Variants in SLC38A1 observed in about 807,000 individuals in gnomAD.
SLC38A1 encodes the protein sodium-coupled neutral amino acid symporter 1.
A neutral mutation model predicts 60.3 loss-of-function variants in SLC38A1; 18 were observed. The observed-to-expected ratio is 0.30, with a 90% confidence interval of 0.21 to 0.44. The LOEUF (loss-of-function observed/expected upper bound fraction) is 0.44. SLC38A1 is among the 20% of genes least tolerant of loss of function. The pLI, the probability that SLC38A1 is intolerant of heterozygous loss-of-function variation, is 1.00. For missense variants in SLC38A1, 448 were observed against 587.2 expected (o/e 0.76, Z 2.45); for synonymous variants, 196 against 212.1 (o/e 0.92, Z 0.66).
chr12:46,265,663 A>C (rs1942329018), intron 1 of SLC38A1, among the ~76,000 whole-genome samples: 1 of 152,234 alleles, frequency 6.6e-6, no homozygotes, highest in African/African-American at 2.4e-5. Flanking sequence ...GAGGTTTTTA[A>C]AAGCAAGGTC....
Position 46,204,525 on chromosome 12 carries a change from C to A in SLC38A1, c.705+7G>T. ...AAACCAAACCAACCATTGCAATCAGCACTTACCACAATTAGGAAAAAAACC... is the reference window on the plus strand; with the variant it reads ...AAACCAAACCAACCATTGCAATCAGAACTTACCACAATTAGGAAAAAAACC... On this transcript the variant is annotated splice_region_variant and intron_variant, in intron 10 of 16. Coordinates refer to ENST00000398637, the MANE Select transcript of SLC38A1 (RefSeq NM_030674.4). 1.2e-6 allele frequency: 2 copies of A among 1,612,574 alleles called. No individual in the cohort carries two copies. The highest frequency in any genetic ancestry group is 2.2e-5 in the South Asian group (2 of 90,718).
At chr12:46,231,340 T>C (rs7966337) in intron 3 of SLC38A1, among the ~76,000 whole-genome samples, 1,535 of 152,284 alleles carry the variant, frequency 0.01, 22 homozygotes, top group Middle Eastern at 0.034. Context: ...ATCCAATGGG[T>C]ACAACGTTTA....
chr12:46,257,062 C>T (rs1942055534), intron 1 of SLC38A1, among the ~76,000 whole-genome samples: 2 of 152,182 alleles, frequency 1.3e-5, no homozygotes, highest in South Asian at 4.1e-4. Flanking sequence ...AAGACCCACC[C>T]ATTGCAGCAC....
At chr12:46,220,480 A>G (rs182752549) in intron 5 of SLC38A1, among the ~76,000 whole-genome samples, 1 of 152,316 alleles carries the variant, frequency 6.6e-6, no homozygotes, top group East Asian at 1.9e-4. Flanking sequence ...CATCCGGAAG[A>G]GTAGGGTTTC....
At chr12:46,195,956 C>G in intron 16 of SLC38A1, 1 of 507,234 alleles carries the variant, frequency 2.0e-6, no homozygotes, top group South Asian at 2.0e-5. Flanking sequence ...CCATGGGCTG[C>G]ACCCACTGTC....
At chr12:46,221,217 GGAGA>G (rs1405681051) in intron 5 of SLC38A1, among the ~76,000 whole-genome samples, 1 of 152,090 alleles carries the variant, frequency 6.6e-6, no homozygotes, top group African/African-American at 2.4e-5. Context: ...AGACAGGGAG[GGAGA>G]GAGGGCCAGA....
chr12:46,200,745 C>T (rs879490572), intron 13 of SLC38A1, among the ~76,000 whole-genome samples: 2 of 152,160 alleles, frequency 1.3e-5, no homozygotes, highest in Non-Finnish European at 2.9e-5. Context: ...CTGTCTCTGT[C>T]TCTCCATTCT....
intron 1 of SLC38A1, among the ~76,000 whole-genome samples, chr12:46,251,527 G>A (rs1941839327): frequency 6.6e-6 from 1 of 152,142 alleles, no homozygotes; most frequent in Admixed American, 6.5e-5. Flanking sequence ...CTTCAGCACA[G>A]CAAAAGAAAC....
At chr12:46,249,245 T>C (rs1314929791) in intron 1 of SLC38A1, among the ~76,000 whole-genome samples, 2 of 143,960 alleles carry the variant, frequency 1.4e-5, no homozygotes, top group Non-Finnish European at 3.0e-5. Flanking sequence ...ACTGGGTAAA[T>C]AACAAAATGA....
At position 46,214,983 on chromosome 12, in the gene SLC38A1, T is replaced by C. The variant is rs376499181; in HGVS notation, c.315-5856A>G. On this transcript the variant is annotated intron_variant, in intron 5 of 16. Transcript: ENST00000398637. ...CCTAGCATGACTCTCCCTTGCAAAG[T>C]TGAAAGCAGCTATTCTCAAACTTTA... Among the ~76,000 whole-genome samples, 26 of 152,300 alleles carry C rather than the reference T, an allele frequency of 1.7e-4. 1 individual carries two copies. The highest frequency in any genetic ancestry group is 5.1e-4 in the African/African-American group (21 of 41,550).
chr12:46,263,162 G>A (rs1267265163), intron 1 of SLC38A1, among the ~76,000 whole-genome samples: 1 of 152,152 alleles, frequency 6.6e-6, no homozygotes, highest in Admixed American at 6.5e-5. Flanking sequence ...ATTGGTATAG[G>A]ACAGGATCCA....
At chr12:46,195,205 G>A (rs1939312670) in intron 16 of SLC38A1, among the ~76,000 whole-genome samples, 2 of 152,184 alleles carry the variant, frequency 1.3e-5, no homozygotes, top group Admixed American at 1.3e-4. Flanking sequence ...CTCAGCTGCA[G>A]GTTTGTTGGA....
Position 46,185,675 on chromosome 12 carries a change from A to C in SLC38A1, c.*3295T>G, listed in dbSNP as rs933790505. On this transcript the variant is annotated 3_prime_UTR_variant, in exon 17 of 17. Transcript: ENST00000398637. ...CATAGGAGCCAAAAGTCAGACAAAC[A>C]GAAGAAGGCACACCAAGCCTGAACC... 5.9e-5 allele frequency: 9 copies of C among 152,040 alleles called. No individual in the cohort carries two copies. The highest frequency in any genetic ancestry group is 2.2e-4 in the African/African-American group (9 of 41,338). 9.4% of individuals were successfully genotyped at this position (152,040 alleles called of 1,614,324 possible). A position where few individuals can be genotyped will look rare whatever the true frequency, so the allele number is the denominator to read the frequency against.
rs1296192489 is a variant in SLC38A1, at chr12:46,196,045, G to A, written c.1362+1675C>T. 5.4e-6 allele frequency: 6 copies of A among 1,103,846 alleles called. No homozygotes were observed. The Admixed American group carries it at 1.1e-4, about 20-fold the overall frequency. The allele number at this position is 1,103,846 out of a possible 1,614,324, so 68.4% of individuals were successfully genotyped here. On this transcript the variant is annotated intron_variant, in intron 16 of 16. Transcript: ENST00000398637. ...CCCATCTTCTACATCGATCTTGCTG[G>A]GAGCTGCAGACCAGAGCTGTTCCTA...
chr12:46,210,447 A>G (rs1314096860), intron 5 of SLC38A1, among the ~76,000 whole-genome samples: 1 of 152,206 alleles, frequency 6.6e-6, no homozygotes, highest in Admixed American at 6.5e-5. Context: ...ATCTGCCAAT[A>G]AACAGGAATT....
chr12:46,198,623 A>G lies in SLC38A1; in HGVS notation c.1122+2T>C. On this transcript the variant is annotated splice_donor_variant, in intron 14 of 16. Coordinates refer to ENST00000398637, the MANE Select transcript of SLC38A1 (RefSeq NM_030674.4). LOFTEE classifies it high-confidence loss of function. ...TCATATTGCACAGAGGCCCTTACTCACCGTGAAAAATAACACCGGCACTGT... is the reference window on the plus strand; with the variant it reads ...TCATATTGCACAGAGGCCCTTACTCGCCGTGAAAAATAACACCGGCACTGT... 6.3e-7 allele frequency: 1 copy of G among 1,598,078 alleles called. No homozygotes were observed. Among genetic ancestry groups the G allele is most frequent in the Non-Finnish European group, 8.5e-7 (1 of 1,170,054 alleles).
rs954949476 is a variant in SLC38A1, at chr12:46,187,352, T to A, written c.*1618A>T. On this transcript the variant is annotated 3_prime_UTR_variant, in exon 17 of 17. Coordinates refer to ENST00000398637, the MANE Select transcript of SLC38A1 (RefSeq NM_030674.4). The stretch of plus-strand genomic sequence containing the variant: ...AAGAAATCTGTGCTCAGTGAACTTA[T>A]GTGTTTGGAAAATTTAACCAGAATA... The A allele has an allele frequency of 1.3e-5, 2 of 152,214 alleles. No homozygotes were observed. Among genetic ancestry groups the A allele is most frequent in the African/African-American group, 4.8e-5 (2 of 41,462 alleles). 9.4% of individuals were successfully genotyped at this position (152,214 alleles called of 1,614,324 possible).
At chr12:46,246,462 C>T (rs1187783598) in intron 1 of SLC38A1, among the ~76,000 whole-genome samples, 1 of 152,224 alleles carries the variant, frequency 6.6e-6, no homozygotes, top group Non-Finnish European at 1.5e-5. Flanking sequence ...GAAGGGGTGT[C>T]CACCATTTCT....
chr12:46,219,711 CA>C (rs1565770755), intron 5 of SLC38A1, among the ~76,000 whole-genome samples: 18 of 152,138 alleles, frequency 1.2e-4, no homozygotes, highest in Admixed American at 6.5e-4. Flanking sequence ...GTGATAACTC[CA>C]ACCTGGCCTA....
Sources: allele counts gnomAD v4.1 joint callset (sites outside exome capture counted in the v4.1 genomes callset), GRCh38; gene constraint gnomAD v4.1.1; transcripts MANE v1.5; gene names NCBI Gene and HGNC (gene_info 2026-07-23, HGNC 2026-07-21).